The following MORN2 variants were observed in gnomAD, a reference collection of about 807,000 sequenced individuals.
The protein encoded by MORN2 is MORN repeat containing 2.
In MORN2, 15 loss-of-function variants were observed where a neutral mutation model predicts 13.4. The ratio of observed to expected loss-of-function variants is 1.12; its 90% CI spans 0.75 to 1.72. MORN2 has a LOEUF of 1.72. Among genes scored for constraint, MORN2 ranks in the 40% most tolerant of loss-of-function variants. The pLI is 0.00. For synonymous variants in MORN2, 46 were observed against 43.6 expected (o/e 1.06, Z -0.22); for missense variants, 168 against 134.6 (o/e 1.25, Z -1.23).
chr2:38,878,187 A>G (rs557920468), intron 1 of MORN2, among the ~76,000 whole-genome samples: 1 of 152,346 alleles, frequency 6.6e-6, no homozygotes, highest in South Asian at 2.1e-4. Flanking sequence ...TCGGAATTTT[A>G]AAGACATAGT....
At chr2:38,877,267 AAAAT>A (rs767776535) in intron 1 of MORN2, among the ~76,000 whole-genome samples, 7 of 151,964 alleles carry the variant, frequency 4.6e-5, no homozygotes, top group Non-Finnish European at 7.4e-5. Flanking sequence ...CTCCGTCTCA[AAAAT>A]AAATAAATAA....
intron 1 of MORN2, among the ~76,000 whole-genome samples, chr2:38,876,378 C>T (rs1020778186): frequency 9.2e-5 from 14 of 152,338 alleles, no homozygotes; most frequent in Admixed American, 8.5e-4. Context: ...TGTGAGGTTC[C>T]CTCTAGCTCT....
rs1429820292 is a variant in MORN2 at position 38,876,089 on chromosome 2, C to A, written c.37C>A (p.Leu13Ile). The change falls in exon 1 of 5, where the codon CTC (leucine) becomes ATC (isoleucine). Residue 13 changes from leucine to isoleucine, a missense_variant. Coordinates refer to ENST00000644631, the MANE Select transcript of MORN2 (RefSeq NM_001145450.3). ...GGGGGAGTCGCAGAGTTTGGAAGAT[C>A]TCTCTAACACCTCTCGGCCAAGTGA... is the stretch of plus-strand genomic sequence containing the variant. 1.0e-5 allele frequency: 4 copies of A among 398,610 alleles called. No individual in the cohort carries two copies. The highest frequency in any genetic ancestry group is 3.6e-5 in the East Asian group (1 of 28,086). The allele number at this position is 398,610 out of a possible 1,614,324, so 24.7% of individuals were successfully genotyped here.
chr2:38,882,376 T>C, intron 4 of MORN2, 37 bp from the exon 5 acceptor site: 1 of 1,340,990 alleles, frequency 7.5e-7, no homozygotes, highest in Non-Finnish European at 1.0e-6. Flanking sequence ...AAATTATTCA[T>C]CTTTGTTAAT....
intron 1 of MORN2, 185 bp downstream of exon 1, chr2:38,876,295 T>A (rs949847473): frequency 2.5e-6 from 1 of 394,292 alleles, no homozygotes; most frequent in Non-Finnish European, 4.5e-6. Flanking sequence ...TGTTGTTAAT[T>A]CGCTGTTGAG....
Position 38,880,672 on chromosome 2 carries a change from G to A in MORN2, c.182G>A (p.Gly61Glu). Reference sequence around the variant, plus strand: ...ATAGGTATTCATACCACTCCTAATGGGATTGTCTACACAGGAAGCTGGAAA... The same window carrying A: ...ATAGGTATTCATACCACTCCTAATGAGATTGTCTACACAGGAAGCTGGAAA... Residue 61 changes from glycine to glutamate, a missense_variant, in exon 3 of 5, where the codon GGG becomes GAG. Gly to Glu is a moderately conservative substitution (Grantham distance 98, BLOSUM62 -2). Transcript: ENST00000644631. 1.9e-6 allele frequency: 3 copies of A among 1,549,858 alleles called. No homozygotes were observed. Among genetic ancestry groups the A allele is most frequent in the African/African-American group, 1.4e-5 (1 of 73,082 alleles).
At chr2:38,878,087 A>C (rs1236209363) in intron 1 of MORN2, among the ~76,000 whole-genome samples, 1 of 152,054 alleles carries the variant, frequency 6.6e-6, no homozygotes, top group Non-Finnish European at 1.5e-5. Flanking sequence ...TGAGCCAGTA[A>C]TTCATCCTAC....
chr2:38,880,648 T>A lies in MORN2; in HGVS notation c.158T>A (p.Ile53Lys). The A allele has an allele frequency of 6.5e-7, 1 of 1,546,552 alleles. No individual in the cohort carries two copies. Among genetic ancestry groups the A allele is most frequent in the Middle Eastern group, 1.7e-4 (1 of 5,986 alleles). Reference sequence around the variant, plus strand: ...TCTGGAATCTACGAGAGAAATGGAATAGGTATTCATACCACTCCTAATGGG... The same window carrying A: ...TCTGGAATCTACGAGAGAAATGGAAAAGGTATTCATACCACTCCTAATGGG... Residue 53 changes from isoleucine (I) to lysine (K), a missense_variant, in exon 3 of 5, where the codon ATA (isoleucine) becomes AAA (lysine). By Grantham distance (102) the Ile-to-Lys change is moderately radical. Transcript: ENST00000644631.
At chr2:38,877,872 C>T (rs1321780641) in intron 1 of MORN2, among the ~76,000 whole-genome samples, 2 of 152,052 alleles carry the variant, frequency 1.3e-5, no homozygotes, top group African/African-American at 4.8e-5. Context: ...ATCGGACTCA[C>T]TGCAGCCTTC....
intron 1 of MORN2, among the ~76,000 whole-genome samples, chr2:38,876,771 G>T (rs1302551908): frequency 6.6e-6 from 1 of 152,184 alleles, no homozygotes; most frequent in Non-Finnish European, 1.5e-5. Context: ...CTGAGCTGGG[G>T]CTACAAGAAT....
At chr2:38,878,979 A>G (rs1407042847) in intron 1 of MORN2, among the ~76,000 whole-genome samples, 2 of 152,236 alleles carry the variant, frequency 1.3e-5, no homozygotes. Flanking sequence ...CCGTCTCTAC[A>G]TAAGTTTTCT....
At position 38,882,485 on chromosome 2, in the gene MORN2, T is replaced by A; in HGVS notation, c.426T>A (p.Ala142=). ...GTGGTAACTTTCATTTTACAGCTGC[T>A]CCAGACCTGAAATTAAAGCTTCACA... is the stretch of plus-strand genomic sequence containing the variant. Residue 142 remains alanine (A), a synonymous_variant, in exon 5 of 5, where the codon GCT becomes GCA. Coordinates refer to ENST00000644631, the MANE Select transcript of MORN2 (RefSeq NM_001145450.3). The A allele has an allele frequency of 6.4e-7, 1 of 1,550,630 alleles. No individual in the cohort carries two copies. Among genetic ancestry groups the A allele is most frequent in the Non-Finnish European group, 8.7e-7 (1 of 1,146,308 alleles).
Position 38,880,619 on chromosome 2 carries a change from A to C in MORN2, c.129A>C (p.Thr43=), listed in dbSNP as rs759865507. The stretch of plus-strand genomic sequence containing the variant: ...GTTTAGATGGTGACTGTACAAGAAC[A>C]TCTTCTGGAATCTACGAGAGAAATG... Residue 43 remains threonine, a synonymous_variant, in exon 3 of 5, where the codon ACA becomes ACC. Coordinates refer to ENST00000644631, the MANE Select transcript of MORN2 (RefSeq NM_001145450.3). 6.5e-7 allele frequency: 1 copy of C among 1,540,940 alleles called. No individual in the cohort carries two copies. Among genetic ancestry groups the C allele is most frequent in the Non-Finnish European group, 8.8e-7 (1 of 1,142,832 alleles).
chr2:38,881,326 A>G, intron 3 of MORN2, 116 bp from the exon 4 acceptor site: 1 of 873,690 alleles, frequency 1.1e-6, no homozygotes, highest in Non-Finnish European at 1.7e-6. Context: ...ATAAAGGACA[A>G]TACAAAGTTG....
intron 3 of MORN2, among the ~76,000 whole-genome samples, chr2:38,881,209 C>T (rs1225736537): frequency 1.3e-5 from 2 of 152,130 alleles, no homozygotes; most frequent in African/African-American, 2.4e-5. Flanking sequence ...TCATCATGGA[C>T]CCCCTGATGT....
chr2:38,877,866 G>A (rs1319079410), intron 1 of MORN2, among the ~76,000 whole-genome samples: 1 of 151,502 alleles, frequency 6.6e-6, no homozygotes, highest in East Asian at 1.9e-4. Flanking sequence ...GGTGTGATCG[G>A]ACTCACTGCA....
intron 3 of MORN2, among the ~76,000 whole-genome samples, chr2:38,881,103 A>G (rs1665762470): frequency 6.6e-6 from 1 of 152,178 alleles, no homozygotes; most frequent in Non-Finnish European, 1.5e-5. Context: ...TTGAATTCTT[A>G]ACAACTACTT....
chr2:38,881,493 C>T lies in MORN2; in HGVS notation c.268C>T (p.Gln90Ter). 1.3e-6 allele frequency: 2 copies of T among 1,544,900 alleles called. No individual in the cohort carries two copies. The highest frequency in any genetic ancestry group is 1.2e-5 in the South Asian group (1 of 82,260). Residue 90 changes from glutamine (Q) to a stop codon, truncating the protein, a stop_gained, in exon 4 of 5, where the codon CAA becomes TAA. Coordinates refer to ENST00000644631, the MANE Select transcript of MORN2 (RefSeq NM_001145450.3). LOFTEE classifies it high-confidence loss of function. ...TTTTTCAGGAGCAGTATATGAAGGACAATTTAAGGATAATATGTTTCATGG... is the reference window on the plus strand; with the variant it reads ...TTTTTCAGGAGCAGTATATGAAGGATAATTTAAGGATAATATGTTTCATGG...
chr2:38,878,887 G>T (rs1246234395), intron 1 of MORN2, among the ~76,000 whole-genome samples: 2 of 152,066 alleles, frequency 1.3e-5, no homozygotes, highest in Admixed American at 1.3e-4. Context: ...TGCCCCACCC[G>T]TAAAGACTGA....
Sources: gnomAD v4.1 joint callset for allele counts (sites outside exome capture counted in the v4.1 genomes callset) on GRCh38, gnomAD v4.1.1 for gene constraint, MANE v1.5 for transcripts, NCBI Gene and HGNC (gene_info 2026-07-23, HGNC 2026-07-21) for gene names.